The following ATP8A2 variants were observed in gnomAD, a reference collection of about 807,000 sequenced individuals.
ATP8A2 encodes ATPase phospholipid transporting 8A2.
ATP8A2 carries 100 observed loss-of-function variants against 165.6 expected under a neutral mutation model. The ratio of observed to expected loss-of-function variants is 0.60; its 90% confidence interval spans 0.51 to 0.71. ATP8A2 has a LOEUF of 0.71. Among genes scored for constraint, ATP8A2 ranks in the 30% least tolerant of loss-of-function variants. The pLI is 0.00. For synonymous variants in ATP8A2, 543 were observed against 548.8 expected (o/e 0.99, Z 0.15); for missense variants, 1,227 against 1,479.5 (o/e 0.83, Z 2.80).
At chr13:25,670,055 C>T (rs7318836) in intron 24 of ATP8A2, among the ~76,000 whole-genome samples, 141,044 of 152,270 alleles carry the variant, frequency 0.93, 65,749 homozygotes, top group Non-Finnish European at 0.98. Flanking sequence ...AAGACCCCAG[C>T]GCTTTCTTAC....
chr13:25,535,641 C>A (rs527757334), intron 6 of ATP8A2, among the ~76,000 whole-genome samples: 1 of 152,138 alleles, frequency 6.6e-6, no homozygotes, highest in East Asian at 1.9e-4. Flanking sequence ...TGGTCAAACC[C>A]CATCTCTACA....
At chr13:25,768,846 A>G (rs541559009) in intron 25 of ATP8A2, among the ~76,000 whole-genome samples, 200 bp from the exon 26 acceptor site, 3 of 152,278 alleles carry the variant, frequency 2.0e-5, no homozygotes, top group South Asian at 4.1e-4. Context: ...TCTGTTGTAT[A>G]TTTCATCTGA....
intron 35 of ATP8A2, among the ~76,000 whole-genome samples, chr13:25,971,065 C>T (rs1016860520): frequency 3.9e-5 from 6 of 152,114 alleles, no homozygotes; most frequent in African/African-American, 9.7e-5. Flanking sequence ...TGCATACTCC[C>T]GTTTGGTTGC....
At chr13:25,605,151 C>T (rs1049898420) in intron 24 of ATP8A2, among the ~76,000 whole-genome samples, 20 of 152,194 alleles carry the variant, frequency 1.3e-4, no homozygotes, top group African/African-American at 1.7e-4. Flanking sequence ...GAAAGGCTAA[C>T]ATCTGTCAAG....
intron 33 of ATP8A2, among the ~76,000 whole-genome samples, chr13:25,919,753 T>C (rs1241815764): frequency 6.6e-6 from 1 of 152,182 alleles, no homozygotes; most frequent in Admixed American, 6.5e-5. Flanking sequence ...TAGACCTCTC[T>C]GTACTTTTGT....
chr13:25,475,161 C>G (rs2035958976), intron 2 of ATP8A2, among the ~76,000 whole-genome samples: 1 of 152,020 alleles, frequency 6.6e-6, no homozygotes, highest in Admixed American at 6.6e-5. Context: ...TCTGCACCTC[C>G]TCCTTCTCCC....
chr13:25,500,288 G>C (rs535142062), intron 2 of ATP8A2, among the ~76,000 whole-genome samples: 11 of 152,214 alleles, frequency 7.2e-5, no homozygotes, highest in Admixed American at 1.3e-4. Context: ...GAATTCAAGG[G>C]AACTCAATTA....
intron 27 of ATP8A2, among the ~76,000 whole-genome samples, chr13:25,810,331 GGCCACATCTC>G (rs1950836741): frequency 6.6e-6 from 1 of 152,132 alleles, no homozygotes; most frequent in Non-Finnish European, 1.5e-5. Context: ...GCCAGCTCCT[GGCCACATCTC>G]AAGGCTCAGC....
At chr13:25,990,497 G>A (rs1440123809) in intron 35 of ATP8A2, among the ~76,000 whole-genome samples, 2 of 152,116 alleles carry the variant, frequency 1.3e-5, no homozygotes, top group Non-Finnish European at 2.9e-5. Flanking sequence ...CAGGCCAAGG[G>A]AAAGCATATG....
chr13:25,865,221 G>A (rs565244140), intron 33 of ATP8A2, among the ~76,000 whole-genome samples: 1 of 152,164 alleles, frequency 6.6e-6, no homozygotes, highest in Non-Finnish European at 1.5e-5. Flanking sequence ...TGGGGGTCTA[G>A]GTTGGTAACT....
rs1048789 is a variant in ATP8A2, at chr13:26,020,562, T to G, written c.*577T>G. ...GGTGGTCAACCTGAGAACATTTATT[T>G]GAACCTCTTAGCCACATTTCCAGCA... On this transcript the variant is annotated 3_prime_UTR_variant, in exon 37 of 37. Coordinates refer to ENST00000381655, the MANE Select transcript of ATP8A2 (RefSeq NM_016529.6). The G allele has an allele frequency of 0.55, 84,507 of 152,604 alleles. 23,603 individuals are homozygous for G. Among genetic ancestry groups the G allele is most frequent in the Non-Finnish European group, 0.58 (39,329 of 68,394 alleles). 9.5% of individuals were successfully genotyped at this position (152,604 alleles called of 1,614,324 possible).
At chr13:25,963,425 A>G in intron 34 of ATP8A2, among the ~76,000 whole-genome samples, 1 of 150,854 alleles carries the variant, frequency 6.6e-6, no homozygotes, top group East Asian at 1.9e-4. Context: ...AGAAAAGAAA[A>G]AGAAAAAGAA....
At chr13:25,975,708 G>A (rs1956020973) in intron 35 of ATP8A2, among the ~76,000 whole-genome samples, 3 of 152,158 alleles carry the variant, frequency 2.0e-5, no homozygotes, top group African/African-American at 7.2e-5. Flanking sequence ...GATTCGGCCA[G>A]AACTGCTTCA....
At chr13:25,828,994 G>A (rs1187536338) in intron 28 of ATP8A2, among the ~76,000 whole-genome samples, 3 of 152,192 alleles carry the variant, frequency 2.0e-5, no homozygotes, top group African/African-American at 4.8e-5. Flanking sequence ...ATAAATAAAT[G>A]TAGATGGAAG....
At chr13:25,581,294 C>A (rs1250213766) in intron 22 of ATP8A2, among the ~76,000 whole-genome samples, 1 of 152,196 alleles carries the variant, frequency 6.6e-6, no homozygotes, top group Non-Finnish European at 1.5e-5. Flanking sequence ...ATGAGCTGAT[C>A]TGCCCTGGGC....
intron 1 of ATP8A2, among the ~76,000 whole-genome samples, chr13:25,436,357 A>G (rs768692509): frequency 1.3e-5 from 2 of 152,082 alleles, no homozygotes; most frequent in Non-Finnish European, 2.9e-5. Flanking sequence ...ATGAGGAGGT[A>G]TGGTAATTGG....
intron 25 of ATP8A2, among the ~76,000 whole-genome samples, chr13:25,759,025 G>GAGAAAGGGAA (rs1391376861): frequency 9.9e-5 from 15 of 152,194 alleles, no homozygotes; most frequent in Middle Eastern, 6.8e-3. Context: ...GGGGGAGAGA[G>GAGAAAGGGAA]AGAAAGGGAA....
intron 24 of ATP8A2, among the ~76,000 whole-genome samples, chr13:25,681,784 G>T (rs2042493363): frequency 6.6e-6 from 1 of 152,142 alleles, no homozygotes; most frequent in South Asian, 2.1e-4. Context: ...ATGTGCCAAA[G>T]ATGTGTGAAA....
At chr13:25,400,435 C>T (rs908527126) in intron 1 of ATP8A2, among the ~76,000 whole-genome samples, 4 of 151,946 alleles carry the variant, frequency 2.6e-5, no homozygotes, top group African/African-American at 9.7e-5. Flanking sequence ...TGTTTGTTAC[C>T]TGCATAGAAT....
Sources: gnomAD v4.1 joint callset for allele counts (sites outside exome capture counted in the v4.1 genomes callset) on GRCh38, gnomAD v4.1.1 for gene constraint, MANE v1.5 for transcripts, NCBI Gene and HGNC (gene_info 2026-07-23, HGNC 2026-07-21) for gene names.